Variants in ST7 observed in about 807,000 individuals in gnomAD.
ST7 encodes the protein suppression of tumorigenicity 7.
A neutral mutation model predicts 78.7 loss-of-function variants in ST7; 28 were observed. The ratio of observed to expected loss-of-function variants is 0.36; its 90% CI spans 0.26 to 0.49. The LOEUF (loss-of-function observed/expected upper bound fraction) is 0.49, where lower values mean the gene tolerates loss of function less well. ST7 is among the 20% of genes least tolerant of loss of function. The pLI is 0.99. For synonymous variants in ST7, 247 were observed against 249.6 expected, an observed-to-expected ratio of 0.99 and a Z score of 0.10; for missense variants, 418 against 696.0, an observed-to-expected ratio of 0.60 and a Z score of 4.49.
intron 1 of ST7, among the ~76,000 whole-genome samples, chr7:117,036,441 C>T (rs569923979): frequency 7.9e-5 from 12 of 152,252 alleles, no homozygotes; most frequent in Admixed American, 2.0e-4. Context: ...GGTCAGGAAA[C>T]GACTGAATAT....
chr7:117,099,110 A>G lies in ST7; in HGVS notation c.152-652A>G, dbSNP rs1004441329. Among the ~76,000 whole-genome samples the G allele has an allele frequency of 2.0e-5, 3 of 146,388 alleles. No homozygotes were observed. The East Asian group carries it at 6.1e-4, about 30-fold the overall frequency. On this transcript the variant is annotated intron_variant, in intron 1 of 15. Transcript: ENST00000323984. The stretch of plus-strand genomic sequence containing the variant: ...AGAAGGTGCTTGGCAGTGAACATTC[A>G]TTTTTAGAGGTTTATTTTTCATTTA...
chr7:117,002,803 AT>A (rs1157061487), intron 1 of ST7, among the ~76,000 whole-genome samples: 3 of 101,150 alleles, frequency 3.0e-5, no homozygotes, highest in African/African-American at 7.6e-5. Context: ...CATCTACTGA[AT>A]TTTTTTTCCT....
intron 1 of ST7, among the ~76,000 whole-genome samples, chr7:117,077,844 C>CT (rs1186348708): frequency 0.013 from 1,622 of 120,888 alleles, 20 homozygotes; most frequent in Middle Eastern, 0.03. Context: ...TGATTTCTTT[C>CT]TTTTTTTTTT....
At chr7:117,180,420 G>GA (rs1460835991) in intron 10 of ST7, among the ~76,000 whole-genome samples, 1 of 152,152 alleles carries the variant, frequency 6.6e-6, no homozygotes, top group African/African-American at 2.4e-5. Context: ...CAAACCATCT[G>GA]AAAAATTCCT....
At chr7:117,014,972 A>G in intron 1 of ST7, 1 of 1,367,652 alleles carries the variant, frequency 7.3e-7, no homozygotes, top group Non-Finnish European at 9.5e-7. Context: ...GTACTTGGAA[A>G]ATACTCAGTT....
At chr7:117,128,521 T>G (rs544576602) in intron 3 of ST7, among the ~76,000 whole-genome samples, 1 of 151,990 alleles carries the variant, frequency 6.6e-6, no homozygotes. Context: ...GGGCCATTAT[T>G]TATAAATATT....
intron 13 of ST7, among the ~76,000 whole-genome samples, chr7:117,210,210 T>G: frequency 6.6e-6 from 1 of 152,210 alleles, no homozygotes; most frequent in East Asian, 1.9e-4. Context: ...CTTGTCACCC[T>G]GAAAACCCTG....
At chr7:116,983,228 C>CT (rs1414229070) in intron 1 of ST7, among the ~76,000 whole-genome samples, 3 of 152,186 alleles carry the variant, frequency 2.0e-5, no homozygotes, top group African/African-American at 7.2e-5. Context: ...TAGTTCTTAT[C>CT]TATCTCTCTT....
intron 2 of ST7, among the ~76,000 whole-genome samples, chr7:117,107,192 A>G (rs971977035): frequency 3.3e-5 from 5 of 152,138 alleles, no homozygotes; most frequent in Non-Finnish European, 7.3e-5. Flanking sequence ...GACTGGTTCC[A>G]TATTTTTGCT....
At chr7:117,054,680 G>A (rs1403671343) in intron 1 of ST7, among the ~76,000 whole-genome samples, 1 of 152,120 alleles carries the variant, frequency 6.6e-6, no homozygotes, top group African/African-American at 2.4e-5. Context: ...ATGTCTTCAT[G>A]GGTGAAGAAC....
At chr7:117,174,829 A>G (rs771960315) in intron 10 of ST7, among the ~76,000 whole-genome samples, 5 of 152,226 alleles carry the variant, frequency 3.3e-5, no homozygotes, top group Non-Finnish European at 7.3e-5. Context: ...GTGAGATTAA[A>G]TAACTTACAA....
chr7:117,148,101 T>A (rs1805953261), intron 9 of ST7, among the ~76,000 whole-genome samples: 1 of 152,220 alleles, frequency 6.6e-6, no homozygotes, highest in Admixed American at 6.5e-5. Flanking sequence ...CTTTGCTCTA[T>A]CAGTTTCTAA....
At chr7:117,159,224 C>T (rs1416758737) in intron 9 of ST7, among the ~76,000 whole-genome samples, 2 of 152,164 alleles carry the variant, frequency 1.3e-5, no homozygotes, top group African/African-American at 4.8e-5. Context: ...TTAACTCTGC[C>T]TTTTTTTCCC....
At chr7:117,042,508 T>C (rs1230317920) in intron 1 of ST7, among the ~76,000 whole-genome samples, 2 of 152,178 alleles carry the variant, frequency 1.3e-5, no homozygotes, top group African/African-American at 4.8e-5. Context: ...TATAATGAAG[T>C]GGGAAGTATA....
intron 1 of ST7, among the ~76,000 whole-genome samples, chr7:117,059,934 G>T (rs757979113): frequency 9.2e-5 from 14 of 151,698 alleles, no homozygotes; most frequent in Non-Finnish European, 1.6e-4. Flanking sequence ...AGTGAACCAA[G>T]ATCGCACTAC....
chr7:117,068,399 G>A (rs1045526345), intron 1 of ST7, among the ~76,000 whole-genome samples: 1 of 152,174 alleles, frequency 6.6e-6, no homozygotes, highest in African/African-American at 2.4e-5. Context: ...CAATGGCTAA[G>A]AATGATTTAA....
chr7:117,216,082 T>TC (rs61231795), intron 13 of ST7, among the ~76,000 whole-genome samples: 3 of 151,974 alleles, frequency 2.0e-5, no homozygotes, highest in Non-Finnish European at 2.9e-5. Flanking sequence ...TGTTTATTTT[T>TC]CCCCCCAGTA....
intron 9 of ST7, among the ~76,000 whole-genome samples, chr7:117,159,104 A>G (rs1806928954): frequency 6.6e-6 from 1 of 152,232 alleles, no homozygotes; most frequent in Non-Finnish European, 1.5e-5. Context: ...ATAGATACAA[A>G]TCAAACTTGA....
intron 2 of ST7, among the ~76,000 whole-genome samples, chr7:117,108,362 T>C (rs1370976636): frequency 6.6e-6 from 1 of 152,154 alleles, no homozygotes; most frequent in African/African-American, 2.4e-5. Flanking sequence ...TTCCACACTT[T>C]ATATTTTTGC....
Sources: allele counts gnomAD v4.1 joint callset (sites outside exome capture counted in the v4.1 genomes callset), GRCh38; gene constraint gnomAD v4.1.1; transcripts MANE v1.5; gene names NCBI Gene and HGNC (gene_info 2026-07-23, HGNC 2026-07-21).